CLDN6: variants seen among roughly 807,000 people sequenced by gnomAD.
The protein encoded by CLDN6 is claudin 6.
For missense variants in CLDN6, 279 were observed against 284.1 expected (o/e 0.98, Z 0.13); for synonymous variants, 144 against 131.2 (o/e 1.10, Z -0.67).
intron 1 of CLDN6, among the ~76,000 whole-genome samples, chr16:3,017,573 C>T (rs1042754994): frequency 6.6e-6 from 1 of 152,110 alleles, no homozygotes; most frequent in East Asian, 1.9e-4. Context: ...GGGCCCCAGG[C>T]CTGGGCGGAG....
intron 1 of CLDN6, among the ~76,000 whole-genome samples, chr16:3,017,252 C>T (rs2072573423): frequency 6.6e-6 from 1 of 152,234 alleles, no homozygotes; most frequent in Non-Finnish European, 1.5e-5. Context: ...TCCCCCAAAG[C>T]CAGTGGATAA....
At chr16:3,016,359 C>T (rs1255706217) in intron 1 of CLDN6, among the ~76,000 whole-genome samples, 3 of 152,204 alleles carry the variant, frequency 2.0e-5, no homozygotes, top group Non-Finnish European at 4.4e-5. Flanking sequence ...AAGGCCAGAG[C>T]CAGTGATCAG....
At position 3,015,998 on chromosome 16, in the gene CLDN6, G is replaced by C. The variant is rs1235237265; in HGVS notation, c.24C>G (p.Ile8Met). 6.2e-7 allele frequency: 1 copy of C among 1,613,824 alleles called. No homozygotes were observed. Among genetic ancestry groups the C allele is most frequent in the East Asian group, 2.2e-5 (1 of 44,870 alleles). ...CCAGCAGTGTCAGGACGACTCCCAGGATCTGCATTCCGGCAGAGGCCATGG... is the reference window on the plus strand; with the variant it reads ...CCAGCAGTGTCAGGACGACTCCCAGCATCTGCATTCCGGCAGAGGCCATGG... MASAGMQ[I>M]LGVVLTLLGW... The change falls in exon 2 of 2, where the codon ATC becomes ATG. Residue 8 changes from isoleucine to methionine, a missense_variant. Ile to Met is a conservative substitution (Grantham distance 10). Transcript: ENST00000328796.
chr16:3,016,396 A>G (rs962459428), intron 1 of CLDN6, among the ~76,000 whole-genome samples: 3 of 152,218 alleles, frequency 2.0e-5, no homozygotes, highest in African/African-American at 7.2e-5. Flanking sequence ...AAGCAGGATG[A>G]CAGGACGGTG....
chr16:3,015,277 G>C lies in CLDN6; in HGVS notation c.*82C>G, dbSNP rs1314930845. On this transcript the variant is annotated 3_prime_UTR_variant, in exon 2 of 2. Transcript: ENST00000328796. ...AAAATAGCAGGAGGCAGAAACAAAA[G>C]GTACGAACCCATCCCAAAGCTGTTG... 9 of 1,235,478 alleles carry C rather than the reference G, an allele frequency of 7.3e-6. No individual in the cohort carries two copies. Among genetic ancestry groups the C allele is most frequent in the Admixed American group, 2.5e-5 (1 of 40,156 alleles). The allele number at this position is 1,235,478 out of a possible 1,614,324, so 76.5% of individuals were successfully genotyped here. A position where few individuals can be genotyped will look rare whatever the true frequency, so the allele number is the denominator to read the frequency against.
intron 1 of CLDN6, among the ~76,000 whole-genome samples, chr16:3,016,647 A>AT (rs5815142): frequency 6.8e-4 from 88 of 130,174 alleles, no homozygotes; most frequent in East Asian, 3.1e-3. Context: ...CGCCCGGCTA[A>AT]TTTTTTTTTT....
Position 3,015,684 on chromosome 16 carries a change from G to T in CLDN6, c.338C>A (p.Ser113Tyr). ...KCTTCVEEKDSKARLVLTSGI... is the reference protein window; with the variant it reads ...KCTTCVEEKDYKARLVLTSGI... ...AGAGGTGAGCACCAGGCGGGCCTTG[G>T]AATCCTTCTCCTCCACACAGGTGGT... The change falls in exon 2 of 2, where the codon TCC becomes TAC. Residue 113 changes from serine to tyrosine, a missense_variant. Physicochemically the swap from Ser to Tyr is moderately radical, Grantham distance 144. Transcript: ENST00000328796. 6.2e-7 allele frequency: 1 copy of T among 1,613,698 alleles called. No homozygotes were observed. Among genetic ancestry groups the T allele is most frequent in the Non-Finnish European group, 8.5e-7 (1 of 1,180,042 alleles).
In CLDN6 at chr16:3,015,609, C is replaced by G; in HGVS notation, c.413G>C (p.Trp138Ser). 3 of 1,613,266 alleles carry G rather than the reference C, an allele frequency of 1.9e-6. No individual in the cohort carries two copies. Among genetic ancestry groups the G allele is most frequent in the Non-Finnish European group, 2.5e-6 (3 of 1,180,048 alleles). Residue 138 changes from tryptophan to serine, a missense_variant, in exon 2 of 2, where the codon TGG becomes TCG. Coordinates refer to ENST00000328796, the MANE Select transcript of CLDN6 (RefSeq NM_021195.5). ...GTCCCGGATGATGGCATGCGCCGTCCAGCACACGGGGATTAGCGTCAGGAC... is the reference window on the plus strand; with the variant it reads ...GTCCCGGATGATGGCATGCGCCGTCGAGCACACGGGGATTAGCGTCAGGAC... ...SGVLTLIPVC[W>S]TAHAIIRDFY... is the part of the protein sequence containing the mutation.
intron 1 of CLDN6, 83 bp from the exon 2 acceptor site, chr16:3,016,125 TG>T (rs1222945633): frequency 7.0e-6 from 9 of 1,282,730 alleles, no homozygotes; most frequent in African/African-American, 3.0e-5. Flanking sequence ...TCTAGGGGCA[TG>T]CACCCTGGAA....
In CLDN6 at chr16:3,015,958, G is replaced by A; in HGVS notation, c.64C>T (p.Leu22=). The A allele has an allele frequency of 6.2e-7, 1 of 1,614,236 alleles. No individual in the cohort carries two copies. The highest frequency in any genetic ancestry group is 8.5e-7 in the Non-Finnish European group (1 of 1,180,056). The change falls in exon 2 of 2, where the codon CTG becomes TTG. Residue 22 remains leucine, a synonymous_variant. Coordinates refer to ENST00000328796, the MANE Select transcript of CLDN6 (RefSeq NM_021195.5). ...VLTLLGWVNG[L]VSCALPMWKV... ...CACATGGGCAGGGCACAGGAGACCA[G>A]GCCATTCACCCAGCCCAGCAGTGTC...
intron 1 of CLDN6, among the ~76,000 whole-genome samples, chr16:3,016,909 G>C (rs2717702): frequency 2.6e-5 from 4 of 151,830 alleles, no homozygotes; most frequent in Non-Finnish European, 5.9e-5. Flanking sequence ...CAGCCTCCCA[G>C]AGTGCTGGGA....
chr16:3,014,804 G>C lies in CLDN6; in HGVS notation c.*555C>G, dbSNP rs2072554285. The C allele has an allele frequency of 3.7e-6, 1 of 268,958 alleles. No homozygotes were observed. Among genetic ancestry groups the C allele is most frequent in the South Asian group, 1.7e-4 (1 of 5,864 alleles). The allele number at this position is 268,958 out of a possible 1,614,324, so 16.7% of individuals were successfully genotyped here. A position where few individuals can be genotyped will look rare whatever the true frequency, so the allele number is the denominator to read the frequency against. ...GGCAGAAGGGTGCAGTGTTGGAGGT[G>C]GGGGCGGGGGTCTACATAGCTGGGA... On this transcript the variant is annotated 3_prime_UTR_variant, in exon 2 of 2. Coordinates refer to ENST00000328796, the MANE Select transcript of CLDN6 (RefSeq NM_021195.5).
intron 1 of CLDN6, among the ~76,000 whole-genome samples, chr16:3,016,461 G>A (rs1039482995): frequency 3.3e-5 from 5 of 152,140 alleles, no homozygotes; most frequent in Admixed American, 3.3e-4. Flanking sequence ...TGAGTTTAAG[G>A]CTCAAAACTT....
rs2072558683 is a variant in CLDN6 at position 3,015,422 on chromosome 16, G to A, written c.600C>T (p.Tyr200=). 6.5e-7 allele frequency: 1 copy of A among 1,549,164 alleles called. No individual in the cohort carries two copies. Among genetic ancestry groups the A allele is most frequent in the African/African-American group, 1.4e-5 (1 of 72,586 alleles). The change falls in exon 2 of 2, where the codon TAC becomes TAT. Residue 200 remains tyrosine, a synonymous_variant. Coordinates refer to ENST00000328796, the MANE Select transcript of CLDN6 (RefSeq NM_021195.5). ...SQGPSHYMAR[Y]STSAPAISRG... ...GAGAGATGGCAGGGGCAGATGTTGA[G>A]TAGCGGGCCATGTAATGGCTGGGGC...
At position 3,015,778 on chromosome 16, in the gene CLDN6, C is replaced by G. The variant is rs1434010639; in HGVS notation, c.244G>C (p.Ala82Pro). 6.2e-7 allele frequency: 1 copy of G among 1,613,996 alleles called. No individual in the cohort carries two copies. The highest frequency in any genetic ancestry group is 2.2e-5 in the East Asian group (1 of 44,902). ...ALPQDLQAARALCVIALLVAL... is the reference protein window; with the variant it reads ...ALPQDLQAARPLCVIALLVAL... ...ACAAGGAGGGCGATGACACAGAGGG[C>G]ACGTGCAGCCTGCAGGTCCTGTGGC... Residue 82 changes from alanine (A) to proline (P), a missense_variant, in exon 2 of 2, where the codon GCC becomes CCC. Ala to Pro is a conservative substitution (Grantham distance 27). Transcript: ENST00000328796.
chr16:3,016,945 G>C (rs868528388), intron 1 of CLDN6, among the ~76,000 whole-genome samples: 49 of 152,010 alleles, frequency 3.2e-4, no homozygotes, highest in Middle Eastern at 3.4e-3. Context: ...ACCACACCTG[G>C]TCTTAATTTT....
rs142310099 is a variant in CLDN6 at position 3,015,679 on chromosome 16, C to A, written c.343G>T (p.Ala115Ser). The A allele has an allele frequency of 1.6e-4, 252 of 1,613,602 alleles. No homozygotes were observed. The highest frequency in any genetic ancestry group is 1.3e-3 in the Middle Eastern group (8 of 6,056). ...ATCCCAGAGGTGAGCACCAGGCGGG[C>A]CTTGGAATCCTTCTCCTCCACACAG... ...TTCVEEKDSK[A>S]RLVLTSGIVF... The change falls in exon 2 of 2, where the codon GCC becomes TCC. Residue 115 changes from alanine (A) to serine (S), a missense_variant. Transcript: ENST00000328796.
chr16:3,015,955 C>G lies in CLDN6; in HGVS notation c.67G>C (p.Val23Leu). ...TTCCACATGGGCAGGGCACAGGAGACCAGGCCATTCACCCAGCCCAGCAGT... is the reference window on the plus strand; with the variant it reads ...TTCCACATGGGCAGGGCACAGGAGAGCAGGCCATTCACCCAGCCCAGCAGT... ...LTLLGWVNGL[V>L]SCALPMWKVT... The change falls in exon 2 of 2, where the codon GTC (valine) becomes CTC (leucine). Residue 23 changes from valine to leucine, a missense_variant. By Grantham distance (32) the Val-to-Leu change is conservative. Transcript: ENST00000328796. 6.2e-7 allele frequency: 1 copy of G among 1,614,226 alleles called. No individual in the cohort carries two copies. Among genetic ancestry groups the G allele is most frequent in the Non-Finnish European group, 8.5e-7 (1 of 1,180,046 alleles).
chr16:3,015,163 G>T lies in CLDN6; in HGVS notation c.*196C>A, dbSNP rs2151124481. On this transcript the variant is annotated 3_prime_UTR_variant, in exon 2 of 2. Coordinates refer to ENST00000328796, the MANE Select transcript of CLDN6 (RefSeq NM_021195.5). ...TCCCCTCTTTGGCTCCATCATCCAA[G>T]GGTGAGAAACAGCAGAGCCTAAGTG... is the stretch of plus-strand genomic sequence containing the variant. The T allele has an allele frequency of 2.0e-6, 1 of 494,248 alleles. No individual in the cohort carries two copies. Among genetic ancestry groups the T allele is most frequent in the East Asian group, 3.1e-5 (1 of 32,106 alleles). The allele number at this position is 494,248 out of a possible 1,614,324, so 30.6% of individuals were successfully genotyped here.
Sources: gnomAD v4.1 joint callset for allele counts (sites outside exome capture counted in the v4.1 genomes callset) on GRCh38, gnomAD v4.1.1 for gene constraint, MANE v1.5 for transcripts, NCBI Gene and HGNC (gene_info 2026-07-23, HGNC 2026-07-21) for gene names.